The following CDH13 variants were observed in gnomAD, a reference collection of about 807,000 sequenced individuals.
CDH13 encodes the protein cadherin 13.
CDH13 carries 24 observed loss-of-function variants against 63.8 expected under a neutral mutation model. The observed-to-expected ratio is 0.38, with a 90% CI of 0.27 to 0.53. The LOEUF (loss-of-function observed/expected upper bound fraction) is 0.53, where lower values mean the gene tolerates loss of function less well. Among genes scored for constraint, CDH13 ranks in the 20% least tolerant of loss-of-function variants. The pLI, the probability that CDH13 is intolerant of heterozygous loss-of-function variation, is 0.85. For missense variants in CDH13, 1,049 were observed against 903.1 expected (o/e 1.16, Z -2.07); for synonymous variants, 503 against 355.3 (o/e 1.42, Z -4.67).
intron 5 of CDH13, among the ~76,000 whole-genome samples, chr16:83,319,433 T>A (rs1254783585): frequency 6.6e-6 from 1 of 152,200 alleles, no homozygotes; most frequent in Admixed American, 6.5e-5. Flanking sequence ...CTATATCCAG[T>A]GAGCTGGTTT....
intron 7 of CDH13, among the ~76,000 whole-genome samples, chr16:83,566,161 C>A (rs1904278583): frequency 6.6e-6 from 1 of 152,078 alleles, no homozygotes; most frequent in African/African-American, 2.4e-5. Context: ...CAGTCCTCTT[C>A]CAATTTCTTG....
chr16:83,336,097 T>A (rs938764877), intron 5 of CDH13, among the ~76,000 whole-genome samples: 1 of 151,888 alleles, frequency 6.6e-6, no homozygotes, highest in African/African-American at 2.4e-5. Context: ...GGTCAGGAGT[T>A]CGAGACCCGC....
chr16:83,556,080 A>C (rs2075596021), intron 7 of CDH13, among the ~76,000 whole-genome samples: 1 of 152,232 alleles, frequency 6.6e-6, no homozygotes. Flanking sequence ...AAAAAGACTT[A>C]ATGAGATAAA....
At chr16:83,170,881 T>A (rs1264740907) in intron 4 of CDH13, among the ~76,000 whole-genome samples, 4 of 151,602 alleles carry the variant, frequency 2.6e-5, no homozygotes, top group Non-Finnish European at 5.9e-5. Flanking sequence ...AGAGAAGAGA[T>A]CCAGCATCAA....
chr16:83,211,158 A>T (rs1483487195), intron 4 of CDH13, among the ~76,000 whole-genome samples: 1 of 152,080 alleles, frequency 6.6e-6, no homozygotes, highest in African/African-American at 2.4e-5. Flanking sequence ...AAAAAAAAAA[A>T]AAAAAGGTAC....
chr16:83,791,636 C>T (rs1384980657), intron 13 of CDH13, among the ~76,000 whole-genome samples: 1 of 151,624 alleles, frequency 6.6e-6, no homozygotes, highest in Non-Finnish European at 1.5e-5. Flanking sequence ...CGTGGTGAAA[C>T]CCCATCTCTA....
chr16:83,608,167 TGAG>T (rs1908521188), intron 8 of CDH13, among the ~76,000 whole-genome samples: 1 of 152,240 alleles, frequency 6.6e-6, no homozygotes, highest in Non-Finnish European at 1.5e-5. Flanking sequence ...GGCAATTCAA[TGAG>T]TTCTTTCTAA....
chr16:83,332,563 C>G (rs1302586160), intron 5 of CDH13, among the ~76,000 whole-genome samples: 1 of 152,164 alleles, frequency 6.6e-6, no homozygotes, highest in Non-Finnish European at 1.5e-5. Flanking sequence ...AGTAATTTCT[C>G]TCTGCTGGCT....
intron 11 of CDH13, among the ~76,000 whole-genome samples, chr16:83,757,627 T>C (rs926828114): frequency 2.0e-5 from 3 of 151,646 alleles, no homozygotes; most frequent in African/African-American, 4.8e-5. Context: ...GTTTGTCCTA[T>C]AAAAAGATTG....
intron 5 of CDH13, among the ~76,000 whole-genome samples, chr16:83,226,652 C>G (rs2039848353): frequency 6.6e-6 from 1 of 152,184 alleles, no homozygotes; most frequent in African/African-American, 2.4e-5. Flanking sequence ...TTTTCTTTCC[C>G]AAGGTGCGGA....
intron 10 of CDH13, among the ~76,000 whole-genome samples, chr16:83,692,547 A>T (rs1429559852): frequency 6.6e-6 from 1 of 152,174 alleles, no homozygotes. Flanking sequence ...TTCCCTGTGC[A>T]TTCTATTCCT....
intron 6 of CDH13, among the ~76,000 whole-genome samples, chr16:83,440,619 T>A (rs1388903127): frequency 6.6e-6 from 1 of 151,996 alleles, no homozygotes; most frequent in Non-Finnish European, 1.5e-5. Flanking sequence ...ACCGTATCTC[T>A]ACTAAAAATA....
rs891380629 is a variant in CDH13 at position 83,129,392 on chromosome 16, A to G, written c.483+3891A>G. Among the ~76,000 whole-genome samples the G allele has an allele frequency of 3.9e-5, 6 of 152,232 alleles. No homozygotes were observed. In the South Asian group the frequency reaches 1.2e-3, roughly 32 times the overall value. ...AAGTGGACCGCAAGACAAGAATTCA[A>G]ATGAAGGCAGTTCATTTCAGAGGTG... On this transcript the variant is annotated intron_variant, in intron 4 of 13. Transcript: ENST00000567109.
At chr16:82,933,866 A>C (rs2042580921) in intron 2 of CDH13, among the ~76,000 whole-genome samples, 1 of 152,222 alleles carries the variant, frequency 6.6e-6, no homozygotes, top group South Asian at 2.1e-4. Context: ...TCCAGGTCAC[A>C]TTGATGCAGG....
chr16:82,664,902 T>TATATATGC (rs1258402277), intron 1 of CDH13, among the ~76,000 whole-genome samples: 2 of 152,206 alleles, frequency 1.3e-5, no homozygotes, highest in Non-Finnish European at 2.9e-5. Flanking sequence ...TGAATACATG[T>TATATATGC]ATATATGCAT....
At chr16:83,410,522 G>GA (rs1258917111) in intron 6 of CDH13, among the ~76,000 whole-genome samples, 14 of 152,066 alleles carry the variant, frequency 9.2e-5, no homozygotes. Context: ...TGAGAAAAGA[G>GA]AAAAAATAGT....
chr16:82,653,617 T>G (rs567983644), intron 1 of CDH13, among the ~76,000 whole-genome samples: 2 of 151,974 alleles, frequency 1.3e-5, no homozygotes, highest in Admixed American at 1.3e-4. Flanking sequence ...GAGGCCAAGG[T>G]GCAGGGCTGC....
At chr16:83,613,268 T>C (rs1314012362) in intron 8 of CDH13, among the ~76,000 whole-genome samples, 6 of 152,252 alleles carry the variant, frequency 3.9e-5, no homozygotes, top group Non-Finnish European at 8.8e-5. Context: ...CATGCTGAAC[T>C]GTGGTTTAAT....
At chr16:83,469,527 G>A (rs1432877291) in intron 6 of CDH13, among the ~76,000 whole-genome samples, 3 of 152,116 alleles carry the variant, frequency 2.0e-5, no homozygotes, top group Non-Finnish European at 2.9e-5. Context: ...TTACATCCAC[G>A]GTGAGCCACA....
Sources: gnomAD v4.1 joint callset for allele counts (sites outside exome capture counted in the v4.1 genomes callset) on GRCh38, gnomAD v4.1.1 for gene constraint, MANE v1.5 for transcripts, NCBI Gene and HGNC (gene_info 2026-07-23, HGNC 2026-07-21) for gene names.